Variants in HIPK2 observed in about 807,000 individuals in gnomAD.
HIPK2 encodes homeodomain interacting protein kinase 2.
Under a neutral mutation model 113.7 loss-of-function variants are expected in HIPK2, and 27 were observed. The ratio of observed to expected loss-of-function variants is 0.24; its 90% CI spans 0.17 to 0.33. The LOEUF is 0.33. Among genes scored for constraint, HIPK2 ranks in the 10% least tolerant of loss-of-function variants. HIPK2 has a pLI of 1.00. For synonymous variants in HIPK2, 631 were observed against 642.2 expected (o/e 0.98, Z 0.26); for missense variants, 1,257 against 1,588.0 (o/e 0.79, Z 3.54).
intron 2 of HIPK2, among the ~76,000 whole-genome samples, chr7:139,641,695 G>A (rs1205588878): frequency 6.6e-6 from 1 of 152,182 alleles, no homozygotes; most frequent in Non-Finnish European, 1.5e-5. Flanking sequence ...GGCATCGGCG[G>A]CAACAAGGGC....
chr7:139,768,988 C>T (rs1796601013), intron 1 of HIPK2, among the ~76,000 whole-genome samples: 1 of 152,168 alleles, frequency 6.6e-6, no homozygotes, highest in African/African-American at 2.4e-5. Context: ...ATGAAGACCC[C>T]ACCAGGGTTA....
intron 1 of HIPK2, among the ~76,000 whole-genome samples, chr7:139,727,637 A>G (rs1413650404): frequency 6.6e-6 from 1 of 152,230 alleles, no homozygotes; most frequent in East Asian, 1.9e-4. Flanking sequence ...TTGGCCCCAA[A>G]TAACTCCTTT....
intron 2 of HIPK2, among the ~76,000 whole-genome samples, chr7:139,640,208 A>G (rs1800960882): frequency 6.6e-6 from 1 of 152,250 alleles, no homozygotes; most frequent in Non-Finnish European, 1.5e-5. Context: ...TCTCATAGGA[A>G]GACACTGAAA....
chr7:139,622,917 C>A (rs1340918392), intron 6 of HIPK2, among the ~76,000 whole-genome samples: 1 of 152,196 alleles, frequency 6.6e-6, no homozygotes, highest in Non-Finnish European at 1.5e-5. Flanking sequence ...CCGTGAAACA[C>A]TCTACTGATT....
intron 6 of HIPK2, among the ~76,000 whole-genome samples, chr7:139,623,532 A>G (rs549118007): frequency 7.9e-5 from 12 of 151,828 alleles, no homozygotes; most frequent in East Asian, 1.9e-4. Flanking sequence ...AAAAAAAAAA[A>G]AAAAAAGAAA....
chr7:139,593,349 T>C (rs1251535974), intron 12 of HIPK2, among the ~76,000 whole-genome samples: 1 of 152,204 alleles, frequency 6.6e-6, no homozygotes, highest in African/African-American at 2.4e-5. Context: ...CCAGTGCATG[T>C]TTGCTATGAT....
At chr7:139,745,716 C>A (rs916360687) in intron 1 of HIPK2, among the ~76,000 whole-genome samples, 1 of 152,196 alleles carries the variant, frequency 6.6e-6, no homozygotes, top group South Asian at 2.1e-4. Flanking sequence ...TCCACACCCC[C>A]CTCACCCCCC....
rs539222127 is a variant in HIPK2, at chr7:139,677,218, G to T, written c.1103+38714C>A. Among the ~76,000 whole-genome samples the T allele has an allele frequency of 2.0e-5, 3 of 150,984 alleles. No homozygotes were observed. The Admixed American group carries it at 2.0e-4, about 10-fold the overall frequency. ...GTATGTGTGTGTGTGTGTATGTAGA[G>T]AGAGAGGGGCTGATATTATATATAT... On this transcript the variant is annotated intron_variant, in intron 2 of 14. Coordinates refer to ENST00000406875, the MANE Select transcript of HIPK2 (RefSeq NM_022740.5).
intron 12 of HIPK2, among the ~76,000 whole-genome samples, chr7:139,588,090 G>C (rs1585242492): frequency 1.3e-5 from 2 of 151,930 alleles, no homozygotes; most frequent in South Asian, 4.2e-4. Flanking sequence ...GGCCGAGGTG[G>C]GCGGATCACT....
In HIPK2 at chr7:139,659,364, C is replaced by T. The variant is rs58107918; in HGVS notation, c.1104-27639G>A. Among the ~76,000 whole-genome samples, 928 of 152,304 alleles carry T rather than the reference C, an allele frequency of 6.1e-3. 5 individuals carry two copies. Among genetic ancestry groups the T allele is most frequent in the African/African-American group, 0.021 (869 of 41,564 alleles). ...TCAACAGGCATAATTTAATAACATCCGATTCTTTCTGCACCCTTCAAGTAG... is the reference window on the plus strand; with the variant it reads ...TCAACAGGCATAATTTAATAACATCTGATTCTTTCTGCACCCTTCAAGTAG... On this transcript the variant is annotated intron_variant, in intron 2 of 14. Coordinates refer to ENST00000406875, the MANE Select transcript of HIPK2 (RefSeq NM_022740.5).
At chr7:139,614,145 C>T (rs1799936065) in intron 8 of HIPK2, 141 bp downstream of exon 8, 3 of 772,604 alleles carry the variant, frequency 3.9e-6, no homozygotes, top group Non-Finnish European at 1.8e-6. Flanking sequence ...CCCTCTAGTT[C>T]AGTGATACCA....
rs959244010 is a variant in HIPK2 at position 139,561,984 on chromosome 7, G to C, written c.*10943C>G. 6.6e-6 allele frequency: 1 copy of C among 152,070 alleles called. No individual in the cohort carries two copies. Among genetic ancestry groups the C allele is most frequent in the Non-Finnish European group, 1.5e-5 (1 of 68,020 alleles). 9.4% of individuals were successfully genotyped at this position (152,070 alleles called of 1,614,324 possible). A position where few individuals can be genotyped will look rare whatever the true frequency, so the allele number is the denominator to read the frequency against. The stretch of plus-strand genomic sequence containing the variant: ...TAGTAGCAAGGACTTGATCAGTTAA[G>C]AATTAGTTTTCTTGTAAAACATTCT... On this transcript the variant is annotated 3_prime_UTR_variant, in exon 15 of 15. Transcript: ENST00000406875.
intron 13 of HIPK2, among the ~76,000 whole-genome samples, chr7:139,583,253 C>G (rs1191885073): frequency 1.3e-5 from 2 of 152,188 alleles, no homozygotes; most frequent in Non-Finnish European, 1.5e-5. Flanking sequence ...TTCCAGGGCC[C>G]AATTTTCAAG....
chr7:139,561,755 C>T lies in HIPK2; in HGVS notation c.*11172G>A, dbSNP rs1003860689. On this transcript the variant is annotated 3_prime_UTR_variant, in exon 15 of 15. Coordinates refer to ENST00000406875, the MANE Select transcript of HIPK2 (RefSeq NM_022740.5). ...ATAACATAGTTCACCACAATGGGAC[C>T]CCCCCCCCTTTTTCTCACCCTACAG... The T allele has an allele frequency of 1.1e-5, 1 of 89,342 alleles. No individual in the cohort carries two copies. The highest frequency in any genetic ancestry group is 2.2e-5 in the Non-Finnish European group (1 of 44,642). 5.5% of individuals were successfully genotyped at this position (89,342 alleles called of 1,614,324 possible). A position where few individuals can be genotyped will look rare whatever the true frequency, so the allele number is the denominator to read the frequency against.
intron 5 of HIPK2, 167 bp from the exon 6 acceptor site, chr7:139,626,952 C>T (rs1425267207): frequency 8.5e-6 from 2 of 235,370 alleles, no homozygotes; most frequent in South Asian, 1.5e-4. Context: ...GTTGTCATTG[C>T]CCACAGGATG....
rs1797981441 is a variant in HIPK2 at position 139,562,696 on chromosome 7, C to G, written c.*10231G>C. The stretch of plus-strand genomic sequence containing the variant: ...GGCTCTGCCGTGGTGAGGTGGATGA[C>G]AAGGGCCCGGCGCCACGCCTCAGCC... On this transcript the variant is annotated 3_prime_UTR_variant, in exon 15 of 15. Transcript: ENST00000406875. 1 of 152,256 alleles carries G rather than the reference C, an allele frequency of 6.6e-6. No individual in the cohort carries two copies. Among genetic ancestry groups the G allele is most frequent in the South Asian group, 2.1e-4 (1 of 4,830 alleles). The allele number at this position is 152,256 out of a possible 1,614,324, so 9.4% of individuals were successfully genotyped here. A position where few individuals can be genotyped will look rare whatever the true frequency, so the allele number is the denominator to read the frequency against.
intron 2 of HIPK2, among the ~76,000 whole-genome samples, chr7:139,704,432 C>T (rs1231505690): frequency 2.1e-5 from 3 of 146,328 alleles, no homozygotes; most frequent in African/African-American, 2.5e-5. Context: ...CCACACTATA[C>T]CCAACATACA....
intron 1 of HIPK2, among the ~76,000 whole-genome samples, chr7:139,759,591 T>C (rs1004342367): frequency 9.2e-5 from 14 of 152,214 alleles, no homozygotes; most frequent in Non-Finnish European, 1.6e-4. Flanking sequence ...TCTAAGGTTA[T>C]AAAAAAGACT....
intron 6 of HIPK2, among the ~76,000 whole-genome samples, chr7:139,621,973 A>G (rs1201260150): frequency 1.3e-5 from 2 of 152,032 alleles, no homozygotes; most frequent in South Asian, 2.1e-4. Flanking sequence ...AAACTCATTT[A>G]ATTTTCAACT....
Sources: gnomAD v4.1 joint callset for allele counts (sites outside exome capture counted in the v4.1 genomes callset) on GRCh38, gnomAD v4.1.1 for gene constraint, MANE v1.5 for transcripts, NCBI Gene and HGNC (gene_info 2026-07-23, HGNC 2026-07-21) for gene names.